Variants in NMNAT2 observed in about 807,000 individuals in gnomAD.
NMNAT2 encodes the protein nicotinamide/nicotinic acid mononucleotide adenylyltransferase 2.
NMNAT2 carries 11 observed loss-of-function variants against 41.6 expected under a neutral mutation model. The ratio of observed to expected loss-of-function variants is 0.26; its 90% CI spans 0.17 to 0.44. The LOEUF is 0.44. Ranked by LOEUF, NMNAT2 falls within the 20% of genes least tolerant of loss-of-function variation. The pLI is 1.00. For missense variants in NMNAT2, 288 were observed against 407.7 expected, an observed-to-expected ratio of 0.71 and a Z score of 2.53; for synonymous variants, 148 against 151.2, an observed-to-expected ratio of 0.98 and a Z score of 0.16.
chr1:183,355,142 C>A (rs1663156257), intron 1 of NMNAT2, among the ~76,000 whole-genome samples: 1 of 152,176 alleles, frequency 6.6e-6, no homozygotes, highest in Admixed American at 6.5e-5. Context: ...TCCACATTCT[C>A]ACCCCTTGCA....
At chr1:183,275,009 C>T (rs145478924) in intron 8 of NMNAT2, among the ~76,000 whole-genome samples, 20 of 152,142 alleles carry the variant, frequency 1.3e-4, no homozygotes, top group Non-Finnish European at 2.4e-4. Context: ...GGGCCCAGCA[C>T]GAGGCCTCCA....
chr1:183,310,609 TG>T (rs759928590), intron 1 of NMNAT2, among the ~76,000 whole-genome samples: 3 of 152,228 alleles, frequency 2.0e-5, no homozygotes, highest in Non-Finnish European at 4.4e-5. Flanking sequence ...GAGACATTTT[TG>T]GTTGTCACAA....
chr1:183,418,122 A>T (rs1649306167), intron 1 of NMNAT2, 61 bp downstream of exon 1: 1 of 1,496,562 alleles, frequency 6.7e-7, no homozygotes, highest in Non-Finnish European at 9.3e-7. Context: ...CCTGGAAAAC[A>T]CAGGTGCCTG....
chr1:183,380,102 G>A (rs976996225), intron 1 of NMNAT2, among the ~76,000 whole-genome samples: 3 of 152,150 alleles, frequency 2.0e-5, no homozygotes, highest in South Asian at 2.1e-4. Context: ...ACATCACAGC[G>A]TTCTCTTCAT....
intron 8 of NMNAT2, among the ~76,000 whole-genome samples, chr1:183,264,915 T>G (rs1346801026): frequency 3.3e-5 from 5 of 152,172 alleles, no homozygotes; most frequent in Non-Finnish European, 7.3e-5. Context: ...TCCTTTTCTA[T>G]CTGACCTTGA....
chr1:183,403,226 A>ACG (rs1648864124), intron 1 of NMNAT2, among the ~76,000 whole-genome samples: 1 of 152,080 alleles, frequency 6.6e-6, no homozygotes, highest in African/African-American at 2.4e-5. Flanking sequence ...GAGCCACTGC[A>ACG]CCCGGCCAAA....
intron 1 of NMNAT2, among the ~76,000 whole-genome samples, chr1:183,371,426 G>T (rs568008997): frequency 1.3e-5 from 2 of 152,260 alleles, no homozygotes; most frequent in African/African-American, 4.8e-5. Flanking sequence ...AAAACCATAG[G>T]ATGCACAACA....
chr1:183,273,691 A>G (rs995066526), intron 8 of NMNAT2, among the ~76,000 whole-genome samples: 2 of 151,224 alleles, frequency 1.3e-5, no homozygotes, highest in Admixed American at 6.6e-5. Context: ...TGCTGCCTAC[A>G]CCCTCCTCTG....
At chr1:183,401,945 A>C (rs1158628276) in intron 1 of NMNAT2, among the ~76,000 whole-genome samples, 1 of 151,632 alleles carries the variant, frequency 6.6e-6, no homozygotes, top group Admixed American at 6.6e-5. Context: ...GGGGAGGGAT[A>C]GCATTAGGAG....
At chr1:183,265,449 TAG>T (rs1270107645) in intron 8 of NMNAT2, among the ~76,000 whole-genome samples, 3 of 151,940 alleles carry the variant, frequency 2.0e-5, no homozygotes, top group African/African-American at 7.3e-5. Context: ...GTATTTTTAG[TAG>T]ATACAGGGTT....
chr1:183,278,643 G>A lies in NMNAT2; in HGVS notation c.575-14C>T. On this transcript the variant is annotated splice_polypyrimidine_tract_variant and intron_variant, in intron 7 of 10. Coordinates refer to ENST00000287713, the MANE Select transcript of NMNAT2 (RefSeq NM_015039.4). ...GGATCCGTAGCTCTGAGGAAGGGGA[G>A]CAAAGTTTGCAAAGGGAGTAAGTGG... 6.3e-7 allele frequency: 1 copy of A among 1,594,120 alleles called. No individual in the cohort carries two copies. The highest frequency in any genetic ancestry group is 8.6e-7 in the Non-Finnish European group (1 of 1,161,926).
chr1:183,304,972 G>C, intron 1 of NMNAT2: 1 of 901,208 alleles, frequency 1.1e-6, no homozygotes, highest in South Asian at 2.0e-5. Context: ...ATATGCTCCC[G>C]CTTGTAGGAG....
intron 1 of NMNAT2, among the ~76,000 whole-genome samples, chr1:183,318,044 G>C (rs114662154): frequency 0.017 from 2,580 of 152,290 alleles, 78 homozygotes; most frequent in African/African-American, 0.058. Context: ...TCTGGGCACT[G>C]TTCTATAGCC....
At chr1:183,310,292 C>T (rs1188769528) in intron 1 of NMNAT2, among the ~76,000 whole-genome samples, 1 of 152,158 alleles carries the variant, frequency 6.6e-6, no homozygotes, top group Non-Finnish European at 1.5e-5. Context: ...ATCCTGGGAC[C>T]GCTTTCAAAA....
At chr1:183,408,057 TC>T (rs1169141083) in intron 1 of NMNAT2, among the ~76,000 whole-genome samples, 1 of 152,174 alleles carries the variant, frequency 6.6e-6, no homozygotes, top group Non-Finnish European at 1.5e-5. Flanking sequence ...CTTAAATGAG[TC>T]TTTTTAGAGA....
At chr1:183,300,725 A>G (rs1305391753) in intron 1 of NMNAT2, among the ~76,000 whole-genome samples, 1 of 152,250 alleles carries the variant, frequency 6.6e-6, no homozygotes, top group East Asian at 1.9e-4. Flanking sequence ...ATTATAGAAC[A>G]CTGCAATTTT....
At chr1:183,287,150 T>A (rs886148126) in intron 4 of NMNAT2, among the ~76,000 whole-genome samples, 2 of 152,114 alleles carry the variant, frequency 1.3e-5, no homozygotes, top group African/African-American at 4.8e-5. Flanking sequence ...ATATGCAAAG[T>A]GCCTATGGGG....
chr1:183,285,437 C>T (rs1299388693), intron 5 of NMNAT2, among the ~76,000 whole-genome samples: 1 of 152,192 alleles, frequency 6.6e-6, no homozygotes, highest in Non-Finnish European at 1.5e-5. Flanking sequence ...CATCAGACAT[C>T]CTATTTGGCT....
intron 1 of NMNAT2, among the ~76,000 whole-genome samples, chr1:183,412,769 C>A (rs1649153919): frequency 6.6e-6 from 1 of 152,098 alleles, no homozygotes; most frequent in Non-Finnish European, 1.5e-5. Context: ...GGTTTTTGGC[C>A]TAAGAAACTG....
Sources: gnomAD v4.1 joint callset for allele counts (sites outside exome capture counted in the v4.1 genomes callset) on GRCh38, gnomAD v4.1.1 for gene constraint, MANE v1.5 for transcripts, NCBI Gene and HGNC (gene_info 2026-07-23, HGNC 2026-07-21) for gene names.